The following GLCCI1 variants were observed in gnomAD, a reference collection of about 807,000 sequenced individuals.
GLCCI1 encodes glucocorticoid-induced transcript 1 protein.
Under a neutral mutation model 52.2 loss-of-function variants are expected in GLCCI1, and 24 were observed. The observed-to-expected ratio is 0.46, with a 90% CI of 0.33 to 0.65. The LOEUF (loss-of-function observed/expected upper bound fraction) is 0.65, where lower values mean the gene tolerates loss of function less well. Among genes scored for constraint, GLCCI1 ranks in the 30% least tolerant of loss-of-function variants. The probability of loss-of-function intolerance (pLI) is 0.02; values close to 1 mark genes in which losing one functional copy is unlikely to be tolerated. For missense variants in GLCCI1, 704 were observed against 701.5 expected, an observed-to-expected ratio of 1.00 and a Z score of -0.04; for synonymous variants, 310 against 276.5, an observed-to-expected ratio of 1.12 and a Z score of -1.20.
At chr7:8,063,615 C>CT (rs917291629) in intron 5 of GLCCI1, among the ~76,000 whole-genome samples, 8,745 of 113,658 alleles carry the variant, frequency 0.077, 573 homozygotes, top group Non-Finnish European at 0.1. Flanking sequence ...ACTTTTCTTC[C>CT]TTTTTTTTTT....
At chr7:7,988,728 C>T (rs1487958439) in intron 1 of GLCCI1, among the ~76,000 whole-genome samples, 2 of 152,026 alleles carry the variant, frequency 1.3e-5, no homozygotes, top group African/African-American at 4.8e-5. Flanking sequence ...AGACTGTCTC[C>T]AAGAGTAATT....
Position 8,086,107 on chromosome 7 carries a change from G to GTT in GLCCI1, c.1299-83_1299-82dup. 8.6e-7 allele frequency: 1 copy of GTT among 1,162,752 alleles called. No individual in the cohort carries two copies. Among genetic ancestry groups the GTT allele is most frequent in the East Asian group, 2.3e-5 (1 of 42,826 alleles). 72.0% of individuals were successfully genotyped at this position (1,162,752 alleles called of 1,614,324 possible). A position where few individuals can be genotyped will look rare whatever the true frequency, so the allele number is the denominator to read the frequency against. On this transcript the variant is annotated intron_variant, in intron 7 of 7. Transcript: ENST00000223145. The surrounding 1 kb of genome is among the most constrained non-coding windows in gnomAD (Gnocchi z 4.4). ...ATCTCCTGCCATTTACATTTTAGCT[G>GTT]TTTTAGAGAACTCCAGTTAATTCAG...
intron 1 of GLCCI1, among the ~76,000 whole-genome samples, chr7:7,998,990 T>G (rs930254979): frequency 6.6e-6 from 1 of 151,972 alleles, no homozygotes; most frequent in African/African-American, 2.4e-5. Context: ...TGTTTTATAA[T>G]ATATAAAATA....
At chr7:7,994,471 T>C (rs1038938467) in intron 1 of GLCCI1, among the ~76,000 whole-genome samples, 1 of 152,174 alleles carries the variant, frequency 6.6e-6, no homozygotes, top group African/African-American at 2.4e-5. Context: ...TACTAGCATT[T>C]GGTGAGGGCC....
chr7:8,052,888 C>T (rs963175549), intron 3 of GLCCI1, among the ~76,000 whole-genome samples: 7 of 152,098 alleles, frequency 4.6e-5, no homozygotes, highest in African/African-American at 1.7e-4. Context: ...GTTAAGATTT[C>T]CCATTTCCCT....
At chr7:8,040,660 A>G (rs1781977504) in intron 3 of GLCCI1, among the ~76,000 whole-genome samples, 2 of 152,196 alleles carry the variant, frequency 1.3e-5, no homozygotes, top group Non-Finnish European at 1.5e-5. Context: ...TGGTACATCC[A>G]CTTTGGAAAA....
chr7:8,081,701 A>C (rs1269120717), intron 6 of GLCCI1, among the ~76,000 whole-genome samples: 1 of 152,188 alleles, frequency 6.6e-6, no homozygotes, highest in Non-Finnish European at 1.5e-5. Context: ...TAACTTCTCT[A>C]ATTTTTCCAA....
chr7:8,055,689 T>A, intron 4 of GLCCI1, 140 bp downstream of exon 4: 1 of 631,188 alleles, frequency 1.6e-6, no homozygotes, highest in Non-Finnish European at 2.7e-6. Context: ...ATAAAAAGAT[T>A]GTTAGAAAGC....
At chr7:8,053,631 T>C (rs546190116) in intron 3 of GLCCI1, among the ~76,000 whole-genome samples, 2 of 152,116 alleles carry the variant, frequency 1.3e-5, no homozygotes, top group East Asian at 3.9e-4. Context: ...AGCTGACTTA[T>C]TCCCTAACTA....
intron 2 of GLCCI1, among the ~76,000 whole-genome samples, chr7:8,016,018 A>C (rs1271006385): frequency 1.3e-5 from 2 of 152,144 alleles, no homozygotes; most frequent in Non-Finnish European, 2.9e-5. Context: ...TAACACTCTT[A>C]CTCTGGTCCC....
chr7:7,991,009 A>T (rs1780830450), intron 1 of GLCCI1, among the ~76,000 whole-genome samples: 1 of 152,082 alleles, frequency 6.6e-6, no homozygotes, highest in Non-Finnish European at 1.5e-5. Context: ...GCATTGAGCA[A>T]ATCAGTGGTA....
chr7:7,979,941 T>G (rs1780574735), intron 1 of GLCCI1, among the ~76,000 whole-genome samples: 1 of 152,226 alleles, frequency 6.6e-6, no homozygotes, highest in Non-Finnish European at 1.5e-5. Flanking sequence ...TTTCTGTCTT[T>G]CTGTCTTTCT....
At chr7:7,998,981 G>C (rs1326289975) in intron 1 of GLCCI1, among the ~76,000 whole-genome samples, 1 of 151,314 alleles carries the variant, frequency 6.6e-6, no homozygotes, top group African/African-American at 2.4e-5. Flanking sequence ...CTATTTTTCT[G>C]TTTTATAATA....
At chr7:8,024,417 A>G (rs1413304819) in intron 3 of GLCCI1, among the ~76,000 whole-genome samples, 1 of 152,230 alleles carries the variant, frequency 6.6e-6, no homozygotes, top group Non-Finnish European at 1.5e-5. Context: ...CTACATGTCT[A>G]TGTATAGCAT....
intron 1 of GLCCI1, among the ~76,000 whole-genome samples, chr7:7,999,652 C>T (rs1158417634): frequency 6.6e-6 from 1 of 151,534 alleles, no homozygotes; most frequent in Non-Finnish European, 1.5e-5. Context: ...TACCTGTATT[C>T]CTAGTATTTT....
In GLCCI1 at chr7:7,989,467, A is replaced by C. The variant is rs182354470; in HGVS notation, c.458-14441A>C. On this transcript the variant is annotated intron_variant, in intron 1 of 7. Coordinates refer to ENST00000223145, the MANE Select transcript of GLCCI1 (RefSeq NM_138426.4). ...GAAAATAGAATGACAATTGGACCTG[A>C]ATTCAAGTTGTTTTTTTCACTGTCT... Among the ~76,000 whole-genome samples, 3 of 152,258 alleles carry C rather than the reference A, an allele frequency of 2.0e-5. No individual in the cohort carries two copies. In the East Asian group the frequency reaches 5.8e-4, roughly 29 times the overall value.
intron 6 of GLCCI1, among the ~76,000 whole-genome samples, chr7:8,078,086 G>GT (rs1782912916): frequency 1.3e-5 from 2 of 151,552 alleles, no homozygotes; most frequent in East Asian, 3.9e-4. Flanking sequence ...TACAAAAAAT[G>GT]AGCCGGGCGT....
chr7:8,037,029 T>G (rs1445653474), intron 3 of GLCCI1, among the ~76,000 whole-genome samples: 1 of 152,184 alleles, frequency 6.6e-6, no homozygotes, highest in Admixed American at 6.5e-5. Flanking sequence ...GATTTAGATG[T>G]TGAAATAGAA....
intron 1 of GLCCI1, among the ~76,000 whole-genome samples, chr7:7,974,569 C>T (rs1268093317): frequency 1.3e-5 from 2 of 152,086 alleles, no homozygotes; most frequent in African/African-American, 4.8e-5. Flanking sequence ...AGTCAGACTA[C>T]ATGTGAATAA....
Sources: gnomAD v4.1 joint callset for allele counts (sites outside exome capture counted in the v4.1 genomes callset) on GRCh38, gnomAD v4.1.1 for gene constraint, Gnocchi (gnomAD v3.1) non-coding constraint, MANE v1.5 for transcripts, NCBI Gene and HGNC (gene_info 2026-07-23, HGNC 2026-07-21) for gene names.